LPP: variants seen among roughly 807,000 people sequenced by gnomAD.
LPP encodes the protein lipoma-preferred partner.
A neutral mutation model predicts 60.4 loss-of-function variants in LPP; 38 were observed. The observed-to-expected ratio is 0.63, with a 90% CI of 0.49 to 0.83. The LOEUF is 0.83. Among genes scored for constraint, LPP ranks in the 40% least tolerant of loss-of-function variants. The pLI is 0.00. For synonymous variants in LPP, 328 were observed against 290.8 expected, an observed-to-expected ratio of 1.13 and a Z score of -1.30; for missense variants, 902 against 783.6, an observed-to-expected ratio of 1.15 and a Z score of -1.80.
chr3:188,205,454 G>A (rs1732926835), intron 1 of LPP, among the ~76,000 whole-genome samples: 1 of 151,818 alleles, frequency 6.6e-6, no homozygotes, highest in Non-Finnish European at 1.5e-5. Flanking sequence ...GCTAATTTTT[G>A]TATTTTTAGT....
chr3:188,709,004 G>C (rs1866058954), intron 8 of LPP: 1 of 152,166 alleles, frequency 6.6e-6, no homozygotes, highest in South Asian at 2.1e-4. Flanking sequence ...AAAGATTCAA[G>C]TAAAAAATGT....
At chr3:188,778,377 C>G (rs1330503004) in intron 9 of LPP, among the ~76,000 whole-genome samples, 1 of 152,106 alleles carries the variant, frequency 6.6e-6, no homozygotes, top group Admixed American at 6.6e-5. Flanking sequence ...TACTGGCAAG[C>G]TTTGTGAACT....
chr3:188,649,787 G>A (rs762310732), intron 7 of LPP, among the ~76,000 whole-genome samples: 17 of 152,156 alleles, frequency 1.1e-4, no homozygotes, highest in Non-Finnish European at 2.2e-4. Context: ...AGAGTCTCAT[G>A]ATTAAGAAAT....
At chr3:188,418,350 G>A (rs1786896158) in intron 4 of LPP, among the ~76,000 whole-genome samples, 1 of 152,086 alleles carries the variant, frequency 6.6e-6, no homozygotes, top group Admixed American at 6.6e-5. Context: ...TATTGTAGTG[G>A]ATTTATTAGC....
chr3:188,178,682 A>C (rs1723840242), intron 1 of LPP: 1 of 154,752 alleles, frequency 6.5e-6, no homozygotes. Context: ...TGTGTGCGGC[A>C]GTGAAGGACA....
intron 1 of LPP, among the ~76,000 whole-genome samples, chr3:188,201,587 A>G (rs1186037557): frequency 6.6e-6 from 1 of 152,144 alleles, no homozygotes; most frequent in Non-Finnish European, 1.5e-5. Flanking sequence ...CATGCCTGTA[A>G]TCCCAGCTAT....
chr3:188,511,160 C>T (rs1420058207), intron 5 of LPP, among the ~76,000 whole-genome samples: 1 of 130,222 alleles, frequency 7.7e-6, no homozygotes, highest in East Asian at 2.5e-4. Context: ...TGCCTCCCTC[C>T]CTCCCTCCTT....
chr3:188,495,892 A>G (rs551304694), intron 5 of LPP, among the ~76,000 whole-genome samples: 1 of 152,314 alleles, frequency 6.6e-6, no homozygotes, highest in Admixed American at 6.5e-5. Context: ...ATCTCTGAAT[A>G]TAGTACTTTG....
At chr3:188,627,718 A>G (rs569288321) in intron 7 of LPP, among the ~76,000 whole-genome samples, 1 of 152,282 alleles carries the variant, frequency 6.6e-6, no homozygotes, top group South Asian at 2.1e-4. Context: ...TCACTAAAGC[A>G]GAAAACCAAC....
chr3:188,677,306 C>T (rs1052954535), intron 7 of LPP, among the ~76,000 whole-genome samples: 45 of 152,302 alleles, frequency 3.0e-4, no homozygotes, highest in Admixed American at 1.0e-3. Context: ...ACATTTTCTT[C>T]ACCTTTCGTT....
chr3:188,606,631 C>G (rs537095494), intron 6 of LPP, among the ~76,000 whole-genome samples: 2 of 152,056 alleles, frequency 1.3e-5, no homozygotes, highest in East Asian at 3.9e-4. Context: ...AACATAGTTT[C>G]CTCATTAAGC....
intron 4 of LPP, chr3:188,472,844 C>T (rs1332539576): frequency 4.6e-5 from 7 of 152,124 alleles, no homozygotes; most frequent in African/African-American, 1.7e-4. Context: ...TAGTAAGAAC[C>T]TCTTCTCTTC....
chr3:188,826,626 A>G (rs1339544365), intron 9 of LPP, among the ~76,000 whole-genome samples: 3 of 151,542 alleles, frequency 2.0e-5, no homozygotes, highest in African/African-American at 7.3e-5. Flanking sequence ...TGCTCACGTT[A>G]TTTTCTCTGC....
rs543639101 is a variant in LPP, at chr3:188,880,092, A to G, written c.*5613A>G. The G allele has an allele frequency of 7.1e-4, 113 of 158,932 alleles. No individual in the cohort carries two copies. The highest frequency in any genetic ancestry group is 2.8e-3 in the Middle Eastern group (1 of 356). The allele number at this position is 158,932 out of a possible 1,614,324, so 9.8% of individuals were successfully genotyped here. A position where few individuals can be genotyped will look rare whatever the true frequency, so the allele number is the denominator to read the frequency against. ...GTCACCCAGGCTGGAGTGCAATGGC[A>G]CGATCTCCTCTCACTGCAAGCTCCG... On this transcript the variant is annotated 3_prime_UTR_variant, in exon 12 of 12. Coordinates refer to ENST00000617246, the MANE Select transcript of LPP (RefSeq NM_001375462.1).
intron 5 of LPP, among the ~76,000 whole-genome samples, chr3:188,503,156 A>G (rs1367852730): frequency 6.6e-6 from 1 of 151,828 alleles, no homozygotes; most frequent in African/African-American, 2.4e-5. Context: ...TATTTTCTTT[A>G]TGGTTACAAT....
At chr3:188,728,628 G>C (rs1415699906) in intron 8 of LPP, among the ~76,000 whole-genome samples, 1 of 152,116 alleles carries the variant, frequency 6.6e-6, no homozygotes, top group Admixed American at 6.5e-5. Context: ...GGGTTGCATA[G>C]CTTTTTTGTG....
chr3:188,690,246 G>A (rs77287937), intron 7 of LPP, among the ~76,000 whole-genome samples: 1,949 of 152,246 alleles, frequency 0.013, 35 homozygotes, highest in African/African-American at 0.044. Flanking sequence ...CTAGTCCTCT[G>A]GCTCCCGAGT....
In LPP at chr3:188,607,925, A is replaced by T. The variant is rs951614775; in HGVS notation, c.430-1236A>T. On this transcript the variant is annotated intron_variant, in intron 6 of 11. Coordinates refer to ENST00000617246, the MANE Select transcript of LPP (RefSeq NM_001375462.1). Reference sequence around the variant, plus strand: ...TTTTTGAGACTTAAATGTCTGTAGCAATCCTTTTTTTATGTGGTATTTTTC... The same window carrying T: ...TTTTTGAGACTTAAATGTCTGTAGCTATCCTTTTTTTATGTGGTATTTTTC... 1.9e-4 allele frequency among the ~76,000 whole-genome samples: 29 copies of T among 152,250 alleles called. 1 individual carries two copies. Among genetic ancestry groups the T allele is most frequent in the South Asian group, 4.1e-4 (2 of 4,822 alleles).
chr3:188,226,976 C>T (rs1480165208), intron 2 of LPP, among the ~76,000 whole-genome samples: 1 of 152,048 alleles, frequency 6.6e-6, no homozygotes, highest in African/African-American at 2.4e-5. Flanking sequence ...TATATTCCCC[C>T]TAGCATACGT....
Sources: allele counts gnomAD v4.1 joint callset (sites outside exome capture counted in the v4.1 genomes callset), GRCh38; gene constraint gnomAD v4.1.1; transcripts MANE v1.5; gene names NCBI Gene and HGNC (gene_info 2026-07-23, HGNC 2026-07-21).